ADGRD1: variants seen among roughly 807,000 people sequenced by gnomAD.
The protein encoded by ADGRD1 is adhesion G protein-coupled receptor D1.
ADGRD1 carries 77 observed loss-of-function variants against 113.4 expected under a neutral mutation model. The observed-to-expected ratio is 0.68, with a 90% CI of 0.57 to 0.82. The LOEUF (loss-of-function observed/expected upper bound fraction) is 0.82, where lower values mean the gene tolerates loss of function less well. Among genes scored for constraint, ADGRD1 ranks in the 40% least tolerant of loss-of-function variants. The probability of loss-of-function intolerance (pLI) is 0.00; values close to 1 mark genes in which losing one functional copy is unlikely to be tolerated. For synonymous variants in ADGRD1, 474 were observed against 475.0 expected (o/e 1.00, Z 0.03); for missense variants, 1,036 against 1,139.1 (o/e 0.91, Z 1.30).
intron 15 of ADGRD1, among the ~76,000 whole-genome samples, chr12:131,095,057 T>G (rs1887189788): frequency 6.6e-6 from 1 of 151,644 alleles, no homozygotes; most frequent in Non-Finnish European, 1.5e-5. Flanking sequence ...CCTCTCTGAG[T>G]GGAGAGCTGA....
At chr12:131,024,257 G>A (rs927998523) in intron 13 of ADGRD1, 2 of 152,304 alleles carry the variant, frequency 1.3e-5, no homozygotes, top group African/African-American at 4.8e-5. Flanking sequence ...TGACGTCAGG[G>A]TCAGAGAGGC....
intron 15 of ADGRD1, among the ~76,000 whole-genome samples, chr12:131,103,423 C>A (rs1950142280): frequency 6.6e-6 from 1 of 152,276 alleles, no homozygotes; most frequent in Non-Finnish European, 1.5e-5. Context: ...GCCCCTACCC[C>A]AGCCCCACGC....
At chr12:130,981,814 A>G (rs1873026575) in intron 4 of ADGRD1, 70 bp from the exon 5 acceptor site, 1 of 1,006,348 alleles carries the variant, frequency 9.9e-7, no homozygotes, top group East Asian at 2.4e-5. Flanking sequence ...AAAAGCAAAG[A>G]GAACCATGTG....
At chr12:131,042,710 G>A (rs557383636) in intron 13 of ADGRD1, among the ~76,000 whole-genome samples, 2 of 152,368 alleles carry the variant, frequency 1.3e-5, no homozygotes, top group East Asian at 3.9e-4. Flanking sequence ...TGAGCCAGGA[G>A]GGGGACGCCG....
chr12:131,065,330 C>T (rs773849660), intron 13 of ADGRD1, among the ~76,000 whole-genome samples: 2 of 152,186 alleles, frequency 1.3e-5, no homozygotes, highest in Non-Finnish European at 2.9e-5. Context: ...GATTTCTGAA[C>T]AAGAGTGAAC....
intron 19 of ADGRD1, among the ~76,000 whole-genome samples, chr12:131,118,796 A>G (rs1950524060): frequency 6.6e-6 from 1 of 151,964 alleles, no homozygotes; most frequent in South Asian, 2.1e-4. Context: ...TGGCCCTTTC[A>G]CCCTTTCTTG....
intron 12 of ADGRD1, among the ~76,000 whole-genome samples, chr12:131,009,252 G>GC (rs1425712207): frequency 1.3e-5 from 2 of 152,254 alleles, no homozygotes; most frequent in Non-Finnish European, 2.9e-5. Flanking sequence ...ATGGCCTCAC[G>GC]CCCCTCACGA....
chr12:130,976,648 T>G (rs1390111108), intron 4 of ADGRD1: 14 of 152,134 alleles, frequency 9.2e-5, no homozygotes, highest in Admixed American at 9.2e-4. Context: ...GCCAGGTGGG[T>G]GGATCCAAAT....
intron 20 of ADGRD1, among the ~76,000 whole-genome samples, chr12:131,129,807 T>C (rs1950864933): frequency 6.6e-6 from 1 of 152,244 alleles, no homozygotes; most frequent in East Asian, 1.9e-4. Context: ...GCAGGGTCTG[T>C]GGCAGTTTGA....
At chr12:130,997,042 GC>G (rs1440319656) in intron 8 of ADGRD1, among the ~76,000 whole-genome samples, 2 of 134,634 alleles carry the variant, frequency 1.5e-5, no homozygotes, top group African/African-American at 2.8e-5. Context: ...GGACGGGGCG[GC>G]TGGCCAGGCA....
At chr12:131,106,386 G>A (rs112339852) in intron 17 of ADGRD1, among the ~76,000 whole-genome samples, 3 of 152,334 alleles carry the variant, frequency 2.0e-5, no homozygotes, top group Non-Finnish European at 2.9e-5. Context: ...ATGGAGTGGG[G>A]GGTTCTCTGG....
intron 13 of ADGRD1, among the ~76,000 whole-genome samples, chr12:131,014,871 G>A (rs754992813): frequency 3.3e-5 from 5 of 152,168 alleles, no homozygotes; most frequent in Non-Finnish European, 4.4e-5. Flanking sequence ...GAGACATTGG[G>A]GATACCGATG....
chr12:131,060,367 T>C lies in ADGRD1; in HGVS notation c.1474-16434T>C, dbSNP rs577886199. Among the ~76,000 whole-genome samples, 1 of 152,352 alleles carries C rather than the reference T, an allele frequency of 6.6e-6. No individual in the cohort carries two copies. Among genetic ancestry groups the C allele is most frequent in the South Asian group, 2.1e-4 (1 of 4,824 alleles). ...GGCCCCTTTCCTGGTCCTCTGTGGT[T>C]ACTGGACATATCAGATCAAATAGCT... On this transcript the variant is annotated intron_variant, in intron 13 of 24. Coordinates refer to ENST00000261654, the MANE Select transcript of ADGRD1 (RefSeq NM_198827.5). This position sits in a 1 kb window ranked among gnomAD's most constrained non-coding sequence, Gnocchi z 4.4.
chr12:130,988,402 C>T (rs1593302317), intron 6 of ADGRD1: 1 of 152,348 alleles, frequency 6.6e-6, no homozygotes, highest in South Asian at 2.1e-4. Context: ...GCTGCTGCTT[C>T]ATTGGGACCC....
chr12:131,026,982 G>A (rs141413845), intron 13 of ADGRD1: 2 of 152,332 alleles, frequency 1.3e-5, no homozygotes, highest in East Asian at 3.9e-4. Flanking sequence ...CATATTTGAG[G>A]GAGATGAAAG....
intron 4 of ADGRD1, among the ~76,000 whole-genome samples, chr12:130,976,558 C>T (rs985877339): frequency 6.6e-6 from 1 of 152,136 alleles, no homozygotes; most frequent in East Asian, 1.9e-4. Flanking sequence ...CCGGAATCCG[C>T]GGCTGACTAT....
chr12:131,092,956 G>A (rs1390181490), intron 15 of ADGRD1, among the ~76,000 whole-genome samples: 2 of 151,236 alleles, frequency 1.3e-5, no homozygotes, highest in South Asian at 2.1e-4. Context: ...GGCTGGAAAC[G>A]ATGCTGGAGG....
intron 15 of ADGRD1, among the ~76,000 whole-genome samples, chr12:131,094,056 C>T (rs529681592): frequency 1.3e-3 from 196 of 148,454 alleles, no homozygotes; most frequent in African/African-American, 4.6e-3. Context: ...CCAGCCTCAG[C>T]ACCCAGCCTC....
At chr12:130,975,370 C>G (rs1872191439) in intron 4 of ADGRD1, among the ~76,000 whole-genome samples, 1 of 152,148 alleles carries the variant, frequency 6.6e-6, no homozygotes, top group Admixed American at 6.5e-5. Context: ...TCTGCCTTGG[C>G]CAGTGATGAG....
Sources: allele counts gnomAD v4.1 joint callset (sites outside exome capture counted in the v4.1 genomes callset), GRCh38; gene constraint gnomAD v4.1.1; non-coding constraint Gnocchi (gnomAD v3.1); transcripts MANE v1.5; gene names NCBI Gene and HGNC (gene_info 2026-07-23, HGNC 2026-07-21).